The following WASF2 variants were observed in gnomAD, a reference collection of about 807,000 sequenced individuals.
WASF2 encodes WASP family member 2.
Under a neutral mutation model 45.0 loss-of-function variants are expected in WASF2, and 14 were observed. The observed-to-expected ratio is 0.31, with a 90% CI of 0.21 to 0.49. WASF2 has a LOEUF of 0.49. Ranked by LOEUF, WASF2 falls within the 20% of genes least tolerant of loss-of-function variation. The pLI is 0.99. For missense variants in WASF2, 439 were observed against 636.1 expected (o/e 0.69, Z 3.33); for synonymous variants, 200 against 236.3 (o/e 0.85, Z 1.41).
chr1:27,442,638 T>C (rs1220314122), intron 1 of WASF2, among the ~76,000 whole-genome samples: 3 of 151,394 alleles, frequency 2.0e-5, no homozygotes, highest in African/African-American at 7.3e-5. Flanking sequence ...ATGGGCAGAC[T>C]GCTTGAGCCC....
chr1:27,487,068 T>C (rs1326690757), intron 1 of WASF2, among the ~76,000 whole-genome samples: 1 of 147,376 alleles, frequency 6.8e-6, no homozygotes, highest in Non-Finnish European at 1.5e-5. Context: ...AACATATATA[T>C]AAAATATAGA....
intron 1 of WASF2, among the ~76,000 whole-genome samples, chr1:27,441,753 CAA>C (rs35347075): frequency 1.9e-5 from 1 of 51,716 alleles, no homozygotes; most frequent in Non-Finnish European, 3.3e-5. Flanking sequence ...GACTCCGTCT[CAA>C]AAAAAAAAAA....
In WASF2 at chr1:27,448,164, T is replaced by C. The variant is rs186419263; in HGVS notation, c.-43-19231A>G. Among the ~76,000 whole-genome samples the C allele has an allele frequency of 1.3e-4, 20 of 152,378 alleles. No individual in the cohort carries two copies. In the East Asian group the frequency reaches 3.9e-3, roughly 29 times the overall value. On this transcript the variant is annotated intron_variant, in intron 1 of 8. Coordinates refer to ENST00000618852, the MANE Select transcript of WASF2 (RefSeq NM_006990.5). Reference sequence around the variant, plus strand: ...TAGGGGCGGGCCCAGGACTTTCAACTACCCATTCAAACAGGGTTACAATTC... The same window carrying C: ...TAGGGGCGGGCCCAGGACTTTCAACCACCCATTCAAACAGGGTTACAATTC...
At chr1:27,485,383 G>A (rs2017909540) in intron 1 of WASF2, among the ~76,000 whole-genome samples, 1 of 151,838 alleles carries the variant, frequency 6.6e-6, no homozygotes, top group Admixed American at 6.6e-5. Flanking sequence ...AGAAGTTTGA[G>A]ACCAGCCTGG....
rs569362406 is a variant in WASF2 at position 27,410,788 on chromosome 1, G to A, written c.825-582C>T. On this transcript the variant is annotated intron_variant, in intron 7 of 8. Transcript: ENST00000618852. The surrounding 1 kb of genome is among the most constrained non-coding windows in gnomAD (Gnocchi z 4.2). ...TTCAGTGCTCATGTGGGGAAATCTT[G>A]AGAGAGAATGAATCTCAATCCGAGA... Among the ~76,000 whole-genome samples the A allele has an allele frequency of 9.2e-5, 14 of 152,320 alleles. No individual in the cohort carries two copies. Among genetic ancestry groups the A allele is most frequent in the African/African-American group, 3.1e-4 (13 of 41,572 alleles).
chr1:27,416,834 G>T (rs990955939), intron 4 of WASF2, among the ~76,000 whole-genome samples: 3 of 152,218 alleles, frequency 2.0e-5, no homozygotes, highest in Admixed American at 1.3e-4. Context: ...CTATCTGCCA[G>T]ATTCAATGGT....
In WASF2 at chr1:27,408,114, G is replaced by A. The variant is rs1252087078; in HGVS notation, c.*75C>T. 6.6e-5 allele frequency: 102 copies of A among 1,534,910 alleles called. 2 individuals carry two copies. In the South Asian group the frequency reaches 8.7e-4, roughly 13 times the overall value. ...TTTTTCCTCCCTTTTCTCCCCCTAC[G>A]GGTCTGTTGGGGTTGGCATCAAAGA... On this transcript the variant is annotated 3_prime_UTR_variant, in exon 9 of 9. Transcript: ENST00000618852.
chr1:27,466,028 C>T (rs1458835451), intron 1 of WASF2, among the ~76,000 whole-genome samples: 2 of 152,170 alleles, frequency 1.3e-5, no homozygotes, highest in African/African-American at 4.8e-5. Context: ...AATATGTTAA[C>T]ACCTAAAAGT....
chr1:27,430,611 T>G (rs1338651214), intron 1 of WASF2, among the ~76,000 whole-genome samples: 1 of 152,022 alleles, frequency 6.6e-6, no homozygotes, highest in Non-Finnish European at 1.5e-5. Flanking sequence ...CCCAAAGTGC[T>G]GGGACTATAA....
chr1:27,451,638 G>A (rs754417608), intron 1 of WASF2, among the ~76,000 whole-genome samples: 8 of 149,510 alleles, frequency 5.4e-5, no homozygotes, highest in Non-Finnish European at 7.3e-5. Flanking sequence ...ACATGAGGGA[G>A]TGAAAGACTA....
In WASF2 at chr1:27,415,989, T is replaced by C; in HGVS notation, c.533A>G (p.His178Arg). 6.2e-7 allele frequency: 1 copy of C among 1,613,650 alleles called. No homozygotes were observed. The highest frequency in any genetic ancestry group is 8.5e-7 in the Non-Finnish European group (1 of 1,179,558). Residue 178 changes from histidine to arginine, a missense_variant, in exon 5 of 9, where the codon CAT becomes CGT. Transcript: ENST00000618852. ...CAGAGGCCCCTTTCCCCTCACCCTA[T>C]GCTTTCTCTTCTCTTTCATGATATC... ...TKDIMKEKRK[H>R]RKEKKDNPNR...
rs371098097 is a variant in WASF2 at position 27,486,357 on chromosome 1, T to C, written c.-44+3629A>G. 2.0e-5 allele frequency among the ~76,000 whole-genome samples: 3 copies of C among 152,182 alleles called. 1 individual carries two copies. The South Asian group carries it at 6.2e-4, about 32-fold the overall frequency. On this transcript the variant is annotated intron_variant, in intron 1 of 8. Coordinates refer to ENST00000618852, the MANE Select transcript of WASF2 (RefSeq NM_006990.5). ...ACTTTTTTTTTGGTGCCAAGGATTT[T>C]GAATAAGGTACTGTGGACCGGTATA...
At position 27,404,853 on chromosome 1, in the gene WASF2, T is replaced by G. The variant is rs2016642325; in HGVS notation, c.*3336A>C. The G allele has an allele frequency of 6.6e-6, 1 of 152,262 alleles. No individual in the cohort carries two copies. The highest frequency in any genetic ancestry group is 2.4e-5 in the African/African-American group (1 of 41,458). The allele number at this position is 152,262 out of a possible 1,614,324, so 9.4% of individuals were successfully genotyped here. On this transcript the variant is annotated 3_prime_UTR_variant, in exon 9 of 9. Transcript: ENST00000618852. ...GGAGGCACAGAATGAGGCACATCTCTGCGCGACACCTGGTCCCAGGTCAGT... is the reference window on the plus strand; with the variant it reads ...GGAGGCACAGAATGAGGCACATCTCGGCGCGACACCTGGTCCCAGGTCAGT...
chr1:27,478,414 T>G (rs889802085), intron 1 of WASF2, among the ~76,000 whole-genome samples: 1 of 152,140 alleles, frequency 6.6e-6, no homozygotes, highest in Non-Finnish European at 1.5e-5. Context: ...AACTTTATGT[T>G]GAACAGAAAA....
chr1:27,444,001 G>A lies in WASF2; in HGVS notation c.-43-15068C>T, dbSNP rs560199298. Among the ~76,000 whole-genome samples, 383 of 152,086 alleles carry A rather than the reference G, an allele frequency of 2.5e-3. 1 individual carries two copies. The highest frequency in any genetic ancestry group is 8.5e-3 in the African/African-American group (352 of 41,496). On this transcript the variant is annotated intron_variant, in intron 1 of 8. Transcript: ENST00000618852. ...TCATCATGTTGGCCAGGCTGGTCTC[G>A]AACTCCTGACCTTGTGATCTGCCCG...
chr1:27,422,395 G>A (rs745392998), intron 2 of WASF2, among the ~76,000 whole-genome samples: 19 of 152,012 alleles, frequency 1.2e-4, no homozygotes, highest in African/African-American at 3.1e-4. Flanking sequence ...TGAGGTGGGC[G>A]GATCACGAGG....
chr1:27,432,023 T>C (rs1419627357), intron 1 of WASF2, among the ~76,000 whole-genome samples: 2 of 152,240 alleles, frequency 1.3e-5, no homozygotes, highest in East Asian at 1.9e-4. Flanking sequence ...TGAAATGACA[T>C]GCACCATTGC....
At chr1:27,480,499 G>T (rs1314586444) in intron 1 of WASF2, among the ~76,000 whole-genome samples, 1 of 149,686 alleles carries the variant, frequency 6.7e-6, no homozygotes, top group East Asian at 2.0e-4. Flanking sequence ...CCTGGAAACA[G>T]AATGAGACTC....
At chr1:27,444,107 G>T (rs1260231603) in intron 1 of WASF2, among the ~76,000 whole-genome samples, 1 of 152,062 alleles carries the variant, frequency 6.6e-6, no homozygotes, top group African/African-American at 2.4e-5. Flanking sequence ...TTGAGACAGG[G>T]TCTGGCTCAG....
Sources: allele counts gnomAD v4.1 joint callset (sites outside exome capture counted in the v4.1 genomes callset), GRCh38; gene constraint gnomAD v4.1.1; non-coding constraint Gnocchi (gnomAD v3.1); transcripts MANE v1.5; gene names NCBI Gene and HGNC (gene_info 2026-07-23, HGNC 2026-07-21).